USP13: variants seen among roughly 807,000 people sequenced by gnomAD.
The protein encoded by USP13 is ubiquitin specific peptidase 13.
Under a neutral mutation model 107.8 loss-of-function variants are expected in USP13, and 68 were observed. That is an observed-to-expected ratio of 0.63 (90% CI 0.52 to 0.77). USP13 has a LOEUF of 0.77. Ranked by LOEUF, USP13 falls within the 30% of genes least tolerant of loss-of-function variation. USP13 has a pLI of 0.00. For synonymous variants in USP13, 377 were observed against 389.5 expected (o/e 0.97, Z 0.38); for missense variants, 945 against 1,093.3 (o/e 0.86, Z 1.91).
intron 10 of USP13, among the ~76,000 whole-genome samples, chr3:179,737,682 C>T (rs768112922): frequency 1.3e-5 from 2 of 152,202 alleles, no homozygotes. Context: ...CATTTATATA[C>T]AGGTTGTTAG....
chr3:179,748,079 T>C (rs1714473571), intron 13 of USP13, among the ~76,000 whole-genome samples: 2 of 152,340 alleles, frequency 1.3e-5, no homozygotes, highest in African/African-American at 4.8e-5. Flanking sequence ...TGCCAGGTCA[T>C]GTGTTAAGCA....
intron 15 of USP13, among the ~76,000 whole-genome samples, chr3:179,756,807 A>C (rs1187165218): frequency 1.3e-5 from 2 of 152,138 alleles, no homozygotes; most frequent in Non-Finnish European, 2.9e-5. Flanking sequence ...ATAATAGGGA[A>C]ATAGTAGTTT....
At chr3:179,705,555 A>C (rs1423959925) in intron 4 of USP13, among the ~76,000 whole-genome samples, 1 of 152,160 alleles carries the variant, frequency 6.6e-6, no homozygotes, top group African/African-American at 2.4e-5. Flanking sequence ...TGACTTTTTC[A>C]CTTAGAATAT....
chr3:179,734,649 C>T (rs946912151), intron 10 of USP13, among the ~76,000 whole-genome samples: 1 of 152,186 alleles, frequency 6.6e-6, no homozygotes, highest in African/African-American at 2.4e-5. Flanking sequence ...TCTGATTCAC[C>T]TTTGAAATAT....
At chr3:179,757,955 A>G (rs746197600) in intron 16 of USP13, among the ~76,000 whole-genome samples, 6 of 152,206 alleles carry the variant, frequency 3.9e-5, no homozygotes, top group Non-Finnish European at 7.3e-5. Context: ...AGCCACTGCT[A>G]AAGTTTTTGA....
chr3:179,682,264 C>G (rs1307515897), intron 2 of USP13, among the ~76,000 whole-genome samples: 5 of 145,202 alleles, frequency 3.4e-5, no homozygotes, highest in African/African-American at 1.2e-4. Context: ...AAAACCGAAA[C>G]TAGGTTTAAA....
intron 17 of USP13, among the ~76,000 whole-genome samples, chr3:179,762,059 T>C (rs933469674): frequency 6.6e-6 from 1 of 152,180 alleles, no homozygotes; most frequent in Non-Finnish European, 1.5e-5. Flanking sequence ...TCAAAAGAAA[T>C]CTCATACATA....
chr3:179,661,035 C>T (rs1038211478), intron 1 of USP13, among the ~76,000 whole-genome samples: 1 of 152,154 alleles, frequency 6.6e-6, no homozygotes, highest in African/African-American at 2.4e-5. Context: ...ACAATTTGAA[C>T]AATTACATTC....
chr3:179,752,216 A>G (rs915427949), intron 13 of USP13, 69 bp from the exon 14 acceptor site: 76 of 1,416,874 alleles, frequency 5.4e-5, no homozygotes, highest in Non-Finnish European at 6.9e-5. Flanking sequence ...CAAAGTTGAT[A>G]TGCTTTTTGA....
At chr3:179,712,390 A>G (rs891276646) in intron 6 of USP13, among the ~76,000 whole-genome samples, 5 of 152,202 alleles carry the variant, frequency 3.3e-5, no homozygotes, top group Middle Eastern at 3.4e-3. Context: ...TAGTAATACC[A>G]CCCTGTAGAC....
chr3:179,660,633 A>C (rs1478620938), intron 1 of USP13, among the ~76,000 whole-genome samples: 1 of 152,196 alleles, frequency 6.6e-6, no homozygotes, highest in African/African-American at 2.4e-5. Flanking sequence ...GATTCTCTGC[A>C]TTTTACCATT....
intron 10 of USP13, among the ~76,000 whole-genome samples, chr3:179,733,719 A>G (rs1713887523): frequency 6.6e-6 from 1 of 152,210 alleles, no homozygotes; most frequent in Non-Finnish European, 1.5e-5. Context: ...GGTCAGAGCC[A>G]TGTGGCAGAA....
At chr3:179,703,474 C>T (rs1396691007) in intron 4 of USP13, among the ~76,000 whole-genome samples, 1 of 152,142 alleles carries the variant, frequency 6.6e-6, no homozygotes, top group African/African-American at 2.4e-5. Context: ...ATGCTGGGTT[C>T]ACAGAGACAT....
rs1296029439 is a variant in USP13 at position 179,774,792 on chromosome 3, C to T, written c.2414-6947C>T. On this transcript the variant is annotated intron_variant, in intron 19 of 20. Coordinates refer to ENST00000263966, the MANE Select transcript of USP13 (RefSeq NM_003940.3). ...CCCACCCACATCCTGCTGATTGGCC[C>T]ATTTTACAGAGAGCTGATTGGTCCA... 5.9e-5 allele frequency among the ~76,000 whole-genome samples: 9 copies of T among 152,190 alleles called. No individual in the cohort carries two copies. In the South Asian group the frequency reaches 1.4e-3, roughly 25 times the overall value.
chr3:179,724,481 G>T (rs963845520), intron 8 of USP13, among the ~76,000 whole-genome samples: 1 of 144,862 alleles, frequency 6.9e-6, no homozygotes, highest in Non-Finnish European at 1.5e-5. Flanking sequence ...AAAAAAGAAA[G>T]AAATAATAAT....
At chr3:179,734,531 A>G (rs1195851153) in intron 10 of USP13, among the ~76,000 whole-genome samples, 39 of 152,212 alleles carry the variant, frequency 2.6e-4, no homozygotes, top group Admixed American at 2.4e-3. Flanking sequence ...CTTTTCATCA[A>G]CGTGAGATAA....
chr3:179,778,568 G>A (rs1323912781), intron 19 of USP13, among the ~76,000 whole-genome samples: 5 of 152,198 alleles, frequency 3.3e-5, no homozygotes, highest in Admixed American at 2.0e-4. Flanking sequence ...GTTCGAGACC[G>A]GCCTGGCCAG....
intron 6 of USP13, among the ~76,000 whole-genome samples, chr3:179,713,990 C>T (rs1412806293): frequency 5.3e-5 from 8 of 152,136 alleles, no homozygotes; most frequent in Admixed American, 3.3e-4. Flanking sequence ...CTCTGGGTCC[C>T]CATGGGTACA....
chr3:179,725,435 G>C (rs964692674), intron 8 of USP13, among the ~76,000 whole-genome samples: 1 of 152,124 alleles, frequency 6.6e-6, no homozygotes, highest in Admixed American at 6.5e-5. Flanking sequence ...CTGAAGTTTG[G>C]TTTATGTCTT....
Sources: allele counts gnomAD v4.1 joint callset (sites outside exome capture counted in the v4.1 genomes callset), GRCh38; gene constraint gnomAD v4.1.1; transcripts MANE v1.5; gene names NCBI Gene and HGNC (gene_info 2026-07-23, HGNC 2026-07-21).